ART3: variants seen among roughly 807,000 people sequenced by gnomAD.
The protein encoded by ART3 is ADP-ribosyltransferase 3 (inactive).
ART3 carries 49 observed loss-of-function variants against 48.5 expected under a neutral mutation model. The observed-to-expected ratio is 1.01, with a 90% CI of 0.80 to 1.28. The LOEUF (loss-of-function observed/expected upper bound fraction) is 1.28, where lower values mean the gene tolerates loss of function less well. Among genes scored for constraint, ART3 ranks in the 50% most tolerant of loss-of-function variants. The probability of loss-of-function intolerance (pLI) is 0.00; values close to 1 mark genes in which losing one functional copy is unlikely to be tolerated. For missense variants in ART3, 438 were observed against 454.3 expected (o/e 0.96, Z 0.33); for synonymous variants, 145 against 157.2 (o/e 0.92, Z 0.58).
chr4:76,103,947 C>T lies in ART3; in HGVS notation c.948C>T (p.Ile316=). The part of the protein sequence containing the change: ...NQKLEDHGVK[I]LEPTQIPGMK... ...TATTTCTGCCTTTAGGTGTGAAAAT[C>T]CTTGAACCCACCCAAATACCTGGTA... is the stretch of plus-strand genomic sequence containing the variant. The change falls in exon 9 of 12, where the codon ATC becomes ATT. Residue 316 remains isoleucine, a synonymous_variant. Coordinates refer to ENST00000355810, the MANE Select transcript of ART3 (RefSeq NM_001130016.3). 1 of 1,612,338 alleles carries T rather than the reference C, an allele frequency of 6.2e-7. No homozygotes were observed. Among genetic ancestry groups the T allele is most frequent in the Non-Finnish European group, 8.5e-7 (1 of 1,179,222 alleles).
intron 1 of ART3, among the ~76,000 whole-genome samples, chr4:76,049,848 C>T (rs533375782): frequency 6.6e-6 from 1 of 151,992 alleles, no homozygotes; most frequent in African/African-American, 2.4e-5. Flanking sequence ...AAGCCGCGGA[C>T]CCTCACGGTG....
intron 1 of ART3, among the ~76,000 whole-genome samples, chr4:76,017,171 G>A (rs1460603124): frequency 1.3e-5 from 2 of 151,830 alleles, no homozygotes; most frequent in Admixed American, 1.3e-4. Context: ...CCACAGTTGG[G>A]AATGTGCTGG....
At chr4:76,013,760 A>G (rs963854363) in intron 1 of ART3, among the ~76,000 whole-genome samples, 37 of 152,346 alleles carry the variant, frequency 2.4e-4, no homozygotes, top group African/African-American at 7.0e-4. Flanking sequence ...TTGGGCTATC[A>G]GTATGTAGAT....
intron 3 of ART3, among the ~76,000 whole-genome samples, chr4:76,095,175 A>G (rs1725721930): frequency 6.6e-6 from 1 of 152,200 alleles, no homozygotes; most frequent in Non-Finnish European, 1.5e-5. Flanking sequence ...GAGTTTAAAT[A>G]GGGAGGAGAA....
chr4:76,027,018 C>T (rs567524220), intron 1 of ART3, among the ~76,000 whole-genome samples: 16 of 152,226 alleles, frequency 1.1e-4, no homozygotes, highest in African/African-American at 3.9e-4. Flanking sequence ...TTGGGAGGCC[C>T]AGGCGGGTGG....
intron 10 of ART3, chr4:76,105,916 T>A: frequency 4.1e-6 from 4 of 985,358 alleles, no homozygotes; most frequent in Non-Finnish European, 3.6e-6. Context: ...AGCATGCCAA[T>A]ACTGGGACCA....
intron 1 of ART3, among the ~76,000 whole-genome samples, chr4:76,046,775 G>T (rs752783873): frequency 6.6e-6 from 1 of 151,964 alleles, no homozygotes; most frequent in Admixed American, 6.6e-5. Flanking sequence ...AACAAAAAAG[G>T]CATGTGAAAA....
At chr4:76,011,847 C>A (rs945256463) in intron 1 of ART3, among the ~76,000 whole-genome samples, 3 of 152,174 alleles carry the variant, frequency 2.0e-5, no homozygotes, top group African/African-American at 7.2e-5. Context: ...AGTCTGAGAG[C>A]AACCACATTC....
intron 1 of ART3, among the ~76,000 whole-genome samples, chr4:76,050,963 C>T (rs1736019766): frequency 6.6e-6 from 1 of 152,230 alleles, no homozygotes; most frequent in Non-Finnish European, 1.5e-5. Context: ...GCGGGGCCCG[C>T]CAAGCCCACG....
intron 1 of ART3, chr4:76,023,407 A>G (rs1329627460): frequency 6.2e-7 from 1 of 1,613,942 alleles, no homozygotes; most frequent in Admixed American, 1.7e-5. Context: ...ATAAGGCAGC[A>G]AATCAGAATG....
chr4:76,019,804 T>C (rs894113664), intron 1 of ART3, among the ~76,000 whole-genome samples: 7 of 151,792 alleles, frequency 4.6e-5, no homozygotes, highest in African/African-American at 1.7e-4. Context: ...GGTATATACA[T>C]AGTAGTAGAA....
At chr4:76,047,122 T>G (rs1028610260) in intron 1 of ART3, among the ~76,000 whole-genome samples, 4 of 151,972 alleles carry the variant, frequency 2.6e-5, no homozygotes, top group Non-Finnish European at 4.4e-5. Flanking sequence ...ATAGTGGACA[T>G]GGACGAGGGG....
At chr4:76,054,689 C>G (rs1718511087) in intron 1 of ART3, among the ~76,000 whole-genome samples, 1 of 152,092 alleles carries the variant, frequency 6.6e-6, no homozygotes, top group Admixed American at 6.6e-5. Flanking sequence ...GAAAAATTAG[C>G]TGGTTGTGCT....
chr4:76,071,770 T>A (rs1720341652), upstream of ART3, among the ~76,000 whole-genome samples: 1 of 152,230 alleles, frequency 6.6e-6, no homozygotes, highest in African/African-American at 2.4e-5. Context: ...CAATGACAAC[T>A]CCATCCTTCC....
At chr4:76,061,486 G>A (rs1277042181) in intron 1 of ART3, among the ~76,000 whole-genome samples, 1 of 152,154 alleles carries the variant, frequency 6.6e-6, no homozygotes, top group Non-Finnish European at 1.5e-5. Context: ...TTGTTAAAAT[G>A]TCTTGGTAAT....
intron 11 of ART3, among the ~76,000 whole-genome samples, chr4:76,111,244 T>C (rs113658820): frequency 6.6e-6 from 1 of 152,202 alleles, no homozygotes; most frequent in African/African-American, 2.4e-5. Context: ...TTTTTTGTCA[T>C]GTTTGGTGCA....
At chr4:76,100,669 C>T in intron 6 of ART3, 126 bp from the exon 7 acceptor site, 1 of 1,109,594 alleles carries the variant, frequency 9.0e-7, no homozygotes, top group Non-Finnish European at 1.3e-6. Flanking sequence ...TTGCATTTTG[C>T]AAGATACCTC....
chr4:76,036,033 C>A (rs778827835), intron 1 of ART3: 2 of 1,568,330 alleles, frequency 1.3e-6, no homozygotes, highest in Non-Finnish European at 1.8e-6. Flanking sequence ...GCTACTTCAG[C>A]TTTGCTGCTC....
chr4:76,078,305 G>A (rs1264928677), intron 2 of ART3, among the ~76,000 whole-genome samples: 1 of 152,034 alleles, frequency 6.6e-6, no homozygotes, highest in African/African-American at 2.4e-5. Context: ...TAGAGGCATA[G>A]GGAAAAGACA....
Sources: allele counts gnomAD v4.1 joint callset (sites outside exome capture counted in the v4.1 genomes callset), GRCh38; gene constraint gnomAD v4.1.1; transcripts MANE v1.5; gene names NCBI Gene and HGNC (gene_info 2026-07-23, HGNC 2026-07-21).